SNX2: variants seen among roughly 807,000 people sequenced by gnomAD.
The protein encoded by SNX2 is sorting nexin-2.
A neutral mutation model predicts 69.9 loss-of-function variants in SNX2; 25 were observed. The observed-to-expected ratio is 0.36, with a 90% CI of 0.26 to 0.50. The LOEUF (loss-of-function observed/expected upper bound fraction) is 0.50, where lower values mean the gene tolerates loss of function less well. Ranked by LOEUF, SNX2 falls within the 20% of genes least tolerant of loss-of-function variation. The pLI is 0.97. For synonymous variants in SNX2, 229 were observed against 200.4 expected, an observed-to-expected ratio of 1.14 and a Z score of -1.20; for missense variants, 551 against 613.3, an observed-to-expected ratio of 0.90 and a Z score of 1.07.
intron 6 of SNX2, among the ~76,000 whole-genome samples, chr5:122,805,292 A>C (rs1235595631): frequency 7.1e-6 from 1 of 141,714 alleles, no homozygotes; most frequent in East Asian, 2.0e-4. Flanking sequence ...CTCCATCTCA[A>C]AAAAAAAAAA....
intron 7 of SNX2, among the ~76,000 whole-genome samples, chr5:122,808,867 C>T (rs1030055207): frequency 2.4e-4 from 37 of 152,038 alleles, no homozygotes; most frequent in Non-Finnish European, 4.9e-4. Context: ...ATTAACTTTT[C>T]TGATGAGTTT....
intron 6 of SNX2, among the ~76,000 whole-genome samples, chr5:122,806,142 G>GCACACGCGCACACACACACACACACA (rs1554063176): frequency 3.1e-5 from 4 of 130,584 alleles, no homozygotes; most frequent in Non-Finnish European, 6.6e-5. Flanking sequence ...ACACGCGCGC[G>GCACACGCGCACACACACACACACACA]CACACACACA....
intron 7 of SNX2, among the ~76,000 whole-genome samples, chr5:122,811,391 T>G (rs1264030637): frequency 1.3e-5 from 2 of 152,204 alleles, no homozygotes; most frequent in Non-Finnish European, 2.9e-5. Flanking sequence ...TAGGTAAGGA[T>G]ACACATCTGC....
chr5:122,816,507 C>T (rs1753903008), intron 8 of SNX2, among the ~76,000 whole-genome samples: 1 of 152,056 alleles, frequency 6.6e-6, no homozygotes, highest in South Asian at 2.1e-4. Flanking sequence ...TTTTAAAAAA[C>T]TCAAAATTAC....
At chr5:122,827,249 C>G (rs1388134936) in intron 12 of SNX2, 130 bp from the exon 13 acceptor site, 2 of 683,876 alleles carry the variant, frequency 2.9e-6, no homozygotes, top group Non-Finnish European at 5.0e-6. Context: ...TCTGTTGATG[C>G]TAAATTGTGC....
chr5:122,823,014 A>G (rs1440404884), intron 11 of SNX2, among the ~76,000 whole-genome samples: 1 of 152,260 alleles, frequency 6.6e-6, no homozygotes, highest in East Asian at 1.9e-4. Flanking sequence ...GATAATAATT[A>G]AAATTGTAGC....
intron 1 of SNX2, among the ~76,000 whole-genome samples, chr5:122,787,196 A>G (rs951670332): frequency 1.1e-4 from 17 of 152,128 alleles, no homozygotes; most frequent in Non-Finnish European, 2.1e-4. Flanking sequence ...CAGGACAAAG[A>G]TAAGTAGGTT....
intron 6 of SNX2, 22 bp from the exon 7 acceptor site, chr5:122,808,255 A>C (rs1753697648): frequency 1.4e-6 from 2 of 1,469,624 alleles, no homozygotes; most frequent in East Asian, 2.3e-5. Context: ...GTCATCATGA[A>C]TCTCATTCAA....
At chr5:122,803,265 A>G (rs956808345) in intron 5 of SNX2, among the ~76,000 whole-genome samples, 10 of 151,964 alleles carry the variant, frequency 6.6e-5, no homozygotes, top group Non-Finnish European at 2.9e-5. Context: ...AATAATGCAA[A>G]TACTTTTTTG....
At chr5:122,811,821 G>A (rs966062729) in intron 7 of SNX2, among the ~76,000 whole-genome samples, 4 of 72,224 alleles carry the variant, frequency 5.5e-5, no homozygotes, top group Admixed American at 1.4e-4. Flanking sequence ...GTGAGACTCC[G>A]TCTCTAAATA....
chr5:122,803,707 A>C, intron 6 of SNX2, 94 bp downstream of exon 6: 1 of 897,666 alleles, frequency 1.1e-6, no homozygotes, highest in Admixed American at 2.7e-5. Flanking sequence ...ATTCACTGTC[A>C]ACATTTTATA....
intron 1 of SNX2, among the ~76,000 whole-genome samples, chr5:122,789,469 ACACG>A (rs747616072): frequency 0.28 from 34,804 of 125,060 alleles, 4,249 homozygotes; most frequent in African/African-American, 0.38. Flanking sequence ...ACACAGACAC[ACACG>A]GACACACACA....
intron 11 of SNX2, among the ~76,000 whole-genome samples, chr5:122,822,734 G>A (rs1222859141): frequency 6.6e-6 from 1 of 152,172 alleles, no homozygotes; most frequent in African/African-American, 2.4e-5. Flanking sequence ...ATCCTTACAA[G>A]CATTGTCATG....
intron 11 of SNX2, among the ~76,000 whole-genome samples, chr5:122,822,535 A>G (rs1442693585): frequency 1.3e-5 from 2 of 152,206 alleles, no homozygotes; most frequent in East Asian, 1.9e-4. Flanking sequence ...CAAATTAGGA[A>G]TACTTTGGGG....
At chr5:122,825,495 T>TA (rs1254439319) in intron 11 of SNX2, among the ~76,000 whole-genome samples, 5 of 152,060 alleles carry the variant, frequency 3.3e-5, no homozygotes, top group African/African-American at 1.2e-4. Context: ...ATAGTCCTCT[T>TA]CATCTTTTGC....
At chr5:122,789,461 A>ACG (rs1554061824) in intron 1 of SNX2, among the ~76,000 whole-genome samples, 1 of 57,058 alleles carries the variant, frequency 1.8e-5, no homozygotes, top group African/African-American at 8.5e-5. Context: ...ACACACACAC[A>ACG]CAGACACACA....
At chr5:122,776,231 C>A (rs995767928) in intron 1 of SNX2, among the ~76,000 whole-genome samples, 2 of 152,110 alleles carry the variant, frequency 1.3e-5, no homozygotes, top group Non-Finnish European at 2.9e-5. Context: ...TTGGAAATTA[C>A]TGTAAAATAT....
In SNX2 at chr5:122,831,135, T is replaced by C. The variant is rs1425429793; in HGVS notation, c.*1487T>C. Among the ~76,000 whole-genome samples, 2 of 151,682 alleles carry C rather than the reference T, an allele frequency of 1.3e-5. No homozygotes were observed. Among genetic ancestry groups the C allele is most frequent in the African/African-American group, 4.8e-5 (2 of 41,258 alleles). ...ACATATCCCTTCCATAGGAACAAGA[T>C]ATGGTATGTGTAACTAAGTCATCTC... On this transcript the variant is annotated 3_prime_UTR_variant, in exon 15 of 15. Coordinates refer to ENST00000379516, the MANE Select transcript of SNX2 (RefSeq NM_003100.4).
intron 2 of SNX2, 25 bp from the exon 3 acceptor site, chr5:122,799,667 A>G (rs1423329970): frequency 6.3e-7 from 1 of 1,592,618 alleles, no homozygotes; most frequent in Non-Finnish European, 8.6e-7. Context: ...AGTGTTCTTA[A>G]CTAACTTGTT....
Sources: gnomAD v4.1 joint callset for allele counts (sites outside exome capture counted in the v4.1 genomes callset) on GRCh38, gnomAD v4.1.1 for gene constraint, MANE v1.5 for transcripts, NCBI Gene and HGNC (gene_info 2026-07-23, HGNC 2026-07-21) for gene names.